Variants in SPOCK3 observed in about 807,000 individuals in gnomAD.
SPOCK3 encodes SPARC (osteonectin), cwcv and kazal like domains proteoglycan 3, also known as testican-3.
Under a neutral mutation model 56.6 loss-of-function variants are expected in SPOCK3, and 30 were observed. The observed-to-expected ratio is 0.53, with a 90% CI of 0.40 to 0.72. The LOEUF (loss-of-function observed/expected upper bound fraction) is 0.72. Among genes scored for constraint, SPOCK3 ranks in the 30% least tolerant of loss-of-function variants. The pLI is 0.00. For missense variants in SPOCK3, 527 were observed against 530.0 expected (o/e 0.99, Z 0.06); for synonymous variants, 196 against 183.3 (o/e 1.07, Z -0.56).
chr4:166,966,798 C>T (rs183814846), intron 4 of SPOCK3, among the ~76,000 whole-genome samples: 2 of 152,200 alleles, frequency 1.3e-5, no homozygotes, highest in Non-Finnish European at 2.9e-5. Flanking sequence ...CTTACTGACC[C>T]TCTAGCAGAG....
At position 167,180,489 on chromosome 4, in the gene SPOCK3, A is replaced by C. The variant is rs542266709; in HGVS notation, c.189+53496T>G. ...CATTACCCGTGAGGAGAAAGGATAA[A>C]ATTAAGAGAACCTTGAAAGAGAGGT... On this transcript the variant is annotated intron_variant, in intron 2 of 10. Coordinates refer to ENST00000357545, the MANE Select transcript of SPOCK3 (RefSeq NM_001040159.2). Among the ~76,000 whole-genome samples, 507 of 152,298 alleles carry C rather than the reference A, an allele frequency of 3.3e-3. 1 individual carries two copies. The highest frequency in any genetic ancestry group is 0.01 in the African/African-American group (426 of 41,562).
At chr4:167,042,119 T>C (rs947852109) in intron 3 of SPOCK3, among the ~76,000 whole-genome samples, 26 of 152,126 alleles carry the variant, frequency 1.7e-4, no homozygotes, top group African/African-American at 6.0e-4. Flanking sequence ...GATAACACAA[T>C]GTACAGTCAT....
intron 6 of SPOCK3, among the ~76,000 whole-genome samples, chr4:166,842,285 GC>G (rs1747511323): frequency 6.6e-6 from 1 of 152,244 alleles, no homozygotes; most frequent in East Asian, 1.9e-4. Flanking sequence ...TCCTTATCTG[GC>G]CCCACCCATA....
chr4:166,998,674 G>A (rs1007378540), intron 4 of SPOCK3, among the ~76,000 whole-genome samples: 27 of 152,044 alleles, frequency 1.8e-4, no homozygotes, highest in Non-Finnish European at 3.7e-4. Flanking sequence ...TTGGGTTCAC[G>A]GGGCCAGGGG....
chr4:166,894,706 A>C (rs1368380464), intron 5 of SPOCK3, among the ~76,000 whole-genome samples: 1 of 152,144 alleles, frequency 6.6e-6, no homozygotes, highest in Non-Finnish European at 1.5e-5. Context: ...TAACTGACCA[A>C]GGAGAACTTC....
intron 7 of SPOCK3, among the ~76,000 whole-genome samples, chr4:166,775,097 C>G (rs1052331072): frequency 6.6e-6 from 1 of 152,000 alleles, no homozygotes; most frequent in Non-Finnish European, 1.5e-5. Context: ...GAAATTATGA[C>G]TATCTGGGGG....
intron 6 of SPOCK3, among the ~76,000 whole-genome samples, chr4:166,795,619 T>C (rs1376974986): frequency 6.6e-6 from 1 of 152,028 alleles, no homozygotes; most frequent in African/African-American, 2.4e-5. Flanking sequence ...AACCATACAC[T>C]TTCTGAAATT....
intron 8 of SPOCK3, among the ~76,000 whole-genome samples, chr4:166,749,573 A>G (rs1736102710): frequency 6.6e-6 from 1 of 152,042 alleles, no homozygotes; most frequent in African/African-American, 2.4e-5. Context: ...CCAACATGGC[A>G]CATGTATACA....
chr4:166,909,966 C>T (rs1478226190), intron 5 of SPOCK3, among the ~76,000 whole-genome samples: 1 of 151,914 alleles, frequency 6.6e-6, no homozygotes, highest in East Asian at 1.9e-4. Flanking sequence ...AGCTAAATAG[C>T]CTAGGGCAAT....
At chr4:166,852,482 A>G (rs113652928) in intron 6 of SPOCK3, among the ~76,000 whole-genome samples, 1 of 152,002 alleles carries the variant, frequency 6.6e-6, no homozygotes, top group Non-Finnish European at 1.5e-5. Context: ...ACAGAAACGA[A>G]CCCTTTGGAA....
chr4:167,064,951 C>G (rs187513917), intron 2 of SPOCK3, among the ~76,000 whole-genome samples: 29 of 145,226 alleles, frequency 2.0e-4, no homozygotes, highest in African/African-American at 7.5e-4. Context: ...GCTGTCATTA[C>G]TGCTCACCAA....
chr4:166,794,454 G>A (rs915423595), intron 6 of SPOCK3, among the ~76,000 whole-genome samples: 7 of 151,908 alleles, frequency 4.6e-5, no homozygotes, highest in East Asian at 1.9e-4. Flanking sequence ...TGGATTAATG[G>A]AAGAAAGTGG....
intron 2 of SPOCK3, among the ~76,000 whole-genome samples, chr4:167,088,461 C>CTTTTTTTTTT (rs538566191): frequency 9.0e-6 from 1 of 111,150 alleles, no homozygotes; most frequent in Non-Finnish European, 1.8e-5. Context: ...CCTATGAAAA[C>CTTTTTTTTTT]TTTTTTTTTT....
intron 4 of SPOCK3, among the ~76,000 whole-genome samples, chr4:166,953,485 T>C (rs965015387): frequency 1.2e-3 from 177 of 151,624 alleles, no homozygotes; most frequent in African/African-American, 4.3e-3. Flanking sequence ...ACACTGTTGG[T>C]GGGACTGTAA....
chr4:167,008,017 T>G (rs1749634930), intron 3 of SPOCK3, among the ~76,000 whole-genome samples: 1 of 152,134 alleles, frequency 6.6e-6, no homozygotes, highest in Non-Finnish European at 1.5e-5. Flanking sequence ...GGTAATTCAG[T>G]GCTAATAAAA....
At chr4:167,064,906 T>C (rs767690959) in intron 2 of SPOCK3, among the ~76,000 whole-genome samples, 23 of 151,496 alleles carry the variant, frequency 1.5e-4, no homozygotes, top group Non-Finnish European at 2.5e-4. Context: ...GTCAAGTTTA[T>C]GTCTGTCAGT....
At chr4:166,847,681 A>ATATATATATATATATATATATT (rs1560926812) in intron 6 of SPOCK3, among the ~76,000 whole-genome samples, 1 of 91,230 alleles carries the variant, frequency 1.1e-5, no homozygotes, top group Non-Finnish European at 2.1e-5. Flanking sequence ...ATATATATAT[A>ATATATATATATATATATATATT]AGAATCATGT....
At chr4:167,102,215 T>G (rs1414048928) in intron 2 of SPOCK3, among the ~76,000 whole-genome samples, 2 of 152,040 alleles carry the variant, frequency 1.3e-5, no homozygotes, top group Non-Finnish European at 1.5e-5. Flanking sequence ...TTTTTTCAGC[T>G]GTTATTTGGA....
At chr4:166,969,319 G>C (rs1007278932) in intron 4 of SPOCK3, among the ~76,000 whole-genome samples, 2 of 152,006 alleles carry the variant, frequency 1.3e-5, no homozygotes, top group Admixed American at 1.3e-4. Flanking sequence ...TTTTTGGAGG[G>C]GCCAGTGATG....
Sources: gnomAD v4.1 joint callset for allele counts (sites outside exome capture counted in the v4.1 genomes callset) on GRCh38, gnomAD v4.1.1 for gene constraint, MANE v1.5 for transcripts, NCBI Gene and HGNC (gene_info 2026-07-23, HGNC 2026-07-21) for gene names.